Variants in NR3C2 observed in about 807,000 individuals in gnomAD.
NR3C2 encodes the protein nuclear receptor subfamily 3 group C member 2.
A neutral mutation model predicts 86.4 loss-of-function variants in NR3C2; 15 were observed. The ratio of observed to expected loss-of-function variants is 0.17; its 90% CI spans 0.12 to 0.27. NR3C2 has a LOEUF of 0.27. NR3C2 is among the 10% of genes least tolerant of loss of function. The pLI, the probability that NR3C2 is intolerant of heterozygous loss-of-function variation, is 1.00. For synonymous variants in NR3C2, 458 were observed against 450.5 expected (o/e 1.02, Z -0.21); for missense variants, 960 against 1,195.6 (o/e 0.80, Z 2.91).
At chr4:148,169,697 C>T (rs1215588392) in intron 4 of NR3C2, among the ~76,000 whole-genome samples, 2 of 152,142 alleles carry the variant, frequency 1.3e-5, no homozygotes, top group Admixed American at 6.5e-5. Flanking sequence ...TGATGAAACA[C>T]ATAAAGCCAA....
At chr4:148,416,421 A>G (rs1374121575) in intron 2 of NR3C2, among the ~76,000 whole-genome samples, 2 of 152,224 alleles carry the variant, frequency 1.3e-5, no homozygotes, top group African/African-American at 4.8e-5. Context: ...GGTACATTCT[A>G]TCATCTCCAT....
intron 3 of NR3C2, among the ~76,000 whole-genome samples, chr4:148,210,799 T>C (rs773908558): frequency 6.6e-6 from 1 of 152,244 alleles, no homozygotes; most frequent in Admixed American, 6.5e-5. Context: ...ATATGTTAAA[T>C]ATTTTCATAT....
At chr4:148,097,785 G>A (rs896096935) in intron 8 of NR3C2, among the ~76,000 whole-genome samples, 5 of 138,210 alleles carry the variant, frequency 3.6e-5, no homozygotes, top group African/African-American at 1.1e-4. Context: ...ATCAGCTGTC[G>A]CTAGTGTTAG....
At chr4:148,372,621 CAT>C (rs1327453415) in intron 2 of NR3C2, among the ~76,000 whole-genome samples, 1 of 152,056 alleles carries the variant, frequency 6.6e-6, no homozygotes, top group African/African-American at 2.4e-5. Context: ...CATTATGAAA[CAT>C]TATAAAAAGT....
intron 6 of NR3C2, among the ~76,000 whole-genome samples, chr4:148,123,779 T>A (rs1732623758): frequency 6.6e-6 from 1 of 152,250 alleles, no homozygotes; most frequent in Non-Finnish European, 1.5e-5. Flanking sequence ...ACACCTTAAG[T>A]TATCATTGTT....
At chr4:148,144,234 T>C (rs989755776) in intron 6 of NR3C2, among the ~76,000 whole-genome samples, 18 of 152,142 alleles carry the variant, frequency 1.2e-4, no homozygotes, top group African/African-American at 4.1e-4. Flanking sequence ...AGACAGGGTC[T>C]TGCTCTGTCA....
At chr4:148,341,327 CATTAT>C (rs1332194550) in intron 2 of NR3C2, among the ~76,000 whole-genome samples, 3 of 152,044 alleles carry the variant, frequency 2.0e-5, no homozygotes, top group Admixed American at 1.3e-4. Context: ...AACTGGAGGG[CATTAT>C]ATTAAGTGAA....
At chr4:148,108,464 T>G (rs576878407) in intron 8 of NR3C2, among the ~76,000 whole-genome samples, 60 of 152,246 alleles carry the variant, frequency 3.9e-4, no homozygotes, top group African/African-American at 1.4e-3. Flanking sequence ...TGTGTACATG[T>G]AGTATTTTCT....
chr4:148,303,921 G>A (rs750482575), intron 2 of NR3C2, among the ~76,000 whole-genome samples: 37 of 152,306 alleles, frequency 2.4e-4, no homozygotes, highest in Non-Finnish European at 3.1e-4. Flanking sequence ...GGTTAAAGGC[G>A]CGTTGACCCC....
At chr4:148,098,206 C>G (rs1731378577) in intron 8 of NR3C2, among the ~76,000 whole-genome samples, 1 of 152,186 alleles carries the variant, frequency 6.6e-6, no homozygotes, top group African/African-American at 2.4e-5. Flanking sequence ...CTGGTCGCAA[C>G]TTTTTCAACA....
intron 3 of NR3C2, among the ~76,000 whole-genome samples, chr4:148,255,569 A>G (rs1739791680): frequency 6.6e-6 from 1 of 152,226 alleles, no homozygotes; most frequent in Admixed American, 6.5e-5. Flanking sequence ...AGGTCTGCTT[A>G]AACAATTTAA....
At chr4:148,102,678 C>T (rs867956062) in intron 8 of NR3C2, among the ~76,000 whole-genome samples, 5 of 152,182 alleles carry the variant, frequency 3.3e-5, no homozygotes, top group African/African-American at 4.8e-5. Context: ...CCAACTGGGA[C>T]GCTGCCTCCT....
At position 148,322,327 on chromosome 4, in the gene NR3C2, C is replaced by A. The variant is rs1743653790; in HGVS notation, c.1758-62210G>T. Among the ~76,000 whole-genome samples, 7 of 145,748 alleles carry A rather than the reference C, an allele frequency of 4.8e-5. No individual in the cohort carries two copies. In the South Asian group the frequency reaches 1.6e-3, roughly 32 times the overall value. ...GCCCTTAACATTTTTTCCTTCATTTCAACTTTGGTGAATCTGACAATCATG... is the reference window on the plus strand; with the variant it reads ...GCCCTTAACATTTTTTCCTTCATTTAAACTTTGGTGAATCTGACAATCATG... On this transcript the variant is annotated intron_variant, in intron 2 of 8. Coordinates refer to ENST00000358102, the MANE Select transcript of NR3C2 (RefSeq NM_000901.5).
intron 2 of NR3C2, among the ~76,000 whole-genome samples, chr4:148,365,234 G>A (rs576330734): frequency 6.6e-6 from 1 of 152,352 alleles, no homozygotes; most frequent in South Asian, 2.1e-4. Context: ...CCTTGGGGAT[G>A]CTGAATATAC....
intron 3 of NR3C2, among the ~76,000 whole-genome samples, chr4:148,215,815 T>C (rs2149821445): frequency 6.6e-6 from 1 of 150,794 alleles, no homozygotes; most frequent in South Asian, 2.1e-4. Context: ...AGTCTTGTTC[T>C]GTCGCCCAGG....
In NR3C2 at chr4:148,241,305, C is replaced by CAAA. The variant is rs1374779029; in HGVS notation, c.1897+18670_1897+18672dup. ...TGGAAGACAGAGCAAAACTCTGTCT[C>CAAA]AAAAAAAAAAAAAAAAAAAAAAAAA... On this transcript the variant is annotated intron_variant, in intron 3 of 8. Coordinates refer to ENST00000358102, the MANE Select transcript of NR3C2 (RefSeq NM_000901.5). Among the ~76,000 whole-genome samples, 134 of 18,834 alleles carry CAAA rather than the reference C, an allele frequency of 7.1e-3. 13 individuals carry two copies. The highest frequency in any genetic ancestry group is 0.029 in the South Asian group (6 of 210). The allele number at this position is 18,834 out of a possible 152,430, so 12.4% of individuals were successfully genotyped here.
chr4:148,177,702 C>T (rs115551487), intron 4 of NR3C2, among the ~76,000 whole-genome samples: 4 of 152,314 alleles, frequency 2.6e-5, no homozygotes, highest in South Asian at 2.1e-4. Context: ...AGATACTTTA[C>T]CTAGGATGGC....
chr4:148,398,078 A>C (rs1747952308), intron 2 of NR3C2, among the ~76,000 whole-genome samples: 1 of 152,104 alleles, frequency 6.6e-6, no homozygotes, highest in African/African-American at 2.4e-5. Context: ...TCTCTATCTC[A>C]AATTTCCCTT....
chr4:148,209,662 A>C (rs1737186265), intron 3 of NR3C2, among the ~76,000 whole-genome samples: 1 of 152,202 alleles, frequency 6.6e-6, no homozygotes, highest in African/African-American at 2.4e-5. Context: ...TAAAAGAGAA[A>C]GACTCATTGA....
Sources: gnomAD v4.1 joint callset for allele counts (sites outside exome capture counted in the v4.1 genomes callset) on GRCh38, gnomAD v4.1.1 for gene constraint, MANE v1.5 for transcripts, NCBI Gene and HGNC (gene_info 2026-07-23, HGNC 2026-07-21) for gene names.